Variants in PRDM15 observed in about 807,000 individuals in gnomAD.
The protein encoded by PRDM15 is PR domain zinc finger protein 15.
In PRDM15, 64 loss-of-function variants were observed where a neutral mutation model predicts 128.6. The observed-to-expected ratio is 0.50, with a 90% CI of 0.41 to 0.61. The LOEUF is 0.61. Ranked by LOEUF, PRDM15 falls within the 20% of genes least tolerant of loss-of-function variation. The probability of loss-of-function intolerance (pLI) is 0.00; values close to 1 mark genes in which losing one functional copy is unlikely to be tolerated. For synonymous variants in PRDM15, 615 were observed against 621.8 expected (o/e 0.99, Z 0.16); for missense variants, 1,242 against 1,569.1 (o/e 0.79, Z 3.52).
rs1323465431 is a variant in PRDM15, at chr21:41,857,242, T to G, written c.219A>C (p.Thr73=). Residue 73 remains threonine (T), a synonymous_variant, in exon 4 of 24, where the codon ACA becomes ACC. Coordinates refer to ENST00000398548, the MANE Select transcript of PRDM15 (RefSeq NM_001040424.3). ...VFAITQLVKR[T]QFGPFESRRV... ...TCCTGGACTCAAAGGGACCGAACTGTGTCCGCTTGACGAGCTGAGTGATGG... is the reference window on the plus strand; with the variant it reads ...TCCTGGACTCAAAGGGACCGAACTGGGTCCGCTTGACGAGCTGAGTGATGG... The G allele has an allele frequency of 6.2e-7, 1 of 1,613,892 alleles. No individual in the cohort carries two copies. Among genetic ancestry groups the G allele is most frequent in the African/African-American group, 1.3e-5 (1 of 75,028 alleles).
chr21:41,865,037 G>C (rs2063954399), intron 1 of PRDM15, among the ~76,000 whole-genome samples: 1 of 142,192 alleles, frequency 7.0e-6, no homozygotes, highest in Non-Finnish European at 1.5e-5. Flanking sequence ...CCACTCCCCT[G>C]CTCAGTCCTC....
Position 41,835,536 on chromosome 21 carries a change from G to A in PRDM15, c.1279-12C>T, listed in dbSNP as rs1226633638. 13 of 1,603,560 alleles carry A rather than the reference G, an allele frequency of 8.1e-6. No individual in the cohort carries two copies. Among genetic ancestry groups the A allele is most frequent in the South Asian group, 6.6e-5 (6 of 91,036 alleles). On this transcript the variant is annotated splice_polypyrimidine_tract_variant and intron_variant, in intron 10 of 23. Coordinates refer to ENST00000398548, the MANE Select transcript of PRDM15 (RefSeq NM_001040424.3). ...TACTCGCCGTCCACCTGGTCAGAGG[G>A]ACACGCCGTGAGTGAGATGGCCCAG...
chr21:41,860,047 T>C (rs1252816070), intron 2 of PRDM15, among the ~76,000 whole-genome samples: 1 of 152,172 alleles, frequency 6.6e-6, no homozygotes, highest in Non-Finnish European at 1.5e-5. Flanking sequence ...GGTTCATCCC[T>C]CCTGCCTAGC....
chr21:41,841,751 T>C (rs1338862506), intron 6 of PRDM15, among the ~76,000 whole-genome samples: 1 of 152,216 alleles, frequency 6.6e-6, no homozygotes, highest in East Asian at 1.9e-4. Flanking sequence ...TTAAATCAAT[T>C]GTGTTAACTG....
intron 14 of PRDM15, 186 bp downstream of exon 14, chr21:41,823,132 G>A (rs2062341763): frequency 4.0e-6 from 3 of 746,028 alleles, no homozygotes; most frequent in Non-Finnish European, 4.5e-6. Flanking sequence ...CTACGAACCA[G>A]GAAGTGAGCC....
Position 41,832,823 on chromosome 21 carries a change from C to T in PRDM15, c.1366+2614G>A, listed in dbSNP as rs2062741618. Among the ~76,000 whole-genome samples the T allele has an allele frequency of 6.6e-6, 1 of 152,184 alleles. No homozygotes were observed. Among genetic ancestry groups the T allele is most frequent in the African/African-American group, 2.4e-5 (1 of 41,446 alleles). ...GCTGCCAAGAGCTTCAGCTTTCTCC[C>T]TCACAAGCCCCTCGTGACCATGGAA... On this transcript the variant is annotated intron_variant, in intron 11 of 23. Coordinates refer to ENST00000398548, the MANE Select transcript of PRDM15 (RefSeq NM_001040424.3). This position sits in a 1 kb window ranked among gnomAD's most constrained non-coding sequence, Gnocchi z 4.2.
rs2146419461 is a variant in PRDM15, at chr21:41,823,504, G to A, written c.1630-55C>T. On this transcript the variant is annotated intron_variant, in intron 13 of 23. Transcript: ENST00000398548. Reference sequence around the variant, plus strand: ...CTGCGGCGTCTCGTGACGGGAAGGAGCCTCTCCATCAGGCTCCTCTGGGGA... The same window carrying A: ...CTGCGGCGTCTCGTGACGGGAAGGAACCTCTCCATCAGGCTCCTCTGGGGA... 3 of 1,525,212 alleles carry A rather than the reference G, an allele frequency of 2.0e-6. No homozygotes were observed. The East Asian group carries it at 7.4e-5, about 38-fold the overall frequency. 94.5% of individuals were successfully genotyped at this position (1,525,212 alleles called of 1,614,324 possible).
Position 41,862,138 on chromosome 21 carries a change from T to C in PRDM15, c.-9-1766A>G. On this transcript the variant is annotated intron_variant, in intron 1 of 23. Transcript: ENST00000398548. The surrounding 1 kb of genome is among the most constrained non-coding windows in gnomAD (Gnocchi z 4.1). Reference sequence around the variant, plus strand: ...GGGGTGGGGAGGGCGCACGCTTTCATGAGTTGCTGCTGTGCTACTGGAGGT... The same window carrying C: ...GGGGTGGGGAGGGCGCACGCTTTCACGAGTTGCTGCTGTGCTACTGGAGGT... 2 of 687,076 alleles carry C rather than the reference T, an allele frequency of 2.9e-6. No individual in the cohort carries two copies. Among genetic ancestry groups the C allele is most frequent in the Non-Finnish European group, 5.2e-6 (2 of 384,706 alleles). The allele number at this position is 687,076 out of a possible 1,614,324, so 42.6% of individuals were successfully genotyped here.
chr21:41,876,417 C>G (rs1359479833), intron 1 of PRDM15, among the ~76,000 whole-genome samples: 1 of 152,204 alleles, frequency 6.6e-6, no homozygotes, highest in East Asian at 1.9e-4. Flanking sequence ...CCCAATGCCA[C>G]ATCCTCTTGA....
chr21:41,846,810 C>T (rs1222114387), intron 6 of PRDM15, among the ~76,000 whole-genome samples: 2 of 152,214 alleles, frequency 1.3e-5, no homozygotes, highest in African/African-American at 4.8e-5. Flanking sequence ...GGCCCCTGGC[C>T]CCTGCCAGTG....
intron 1 of PRDM15, among the ~76,000 whole-genome samples, chr21:41,873,014 G>A (rs896248265): frequency 1.3e-5 from 2 of 152,160 alleles, no homozygotes; most frequent in Non-Finnish European, 1.5e-5. Flanking sequence ...CGCACCCTGC[G>A]ATTGCGTCTC....
Position 41,820,162 on chromosome 21 carries a change from G to T in PRDM15, c.2073C>A (p.Pro691=). 6.2e-7 allele frequency: 1 copy of T among 1,613,720 alleles called. No individual in the cohort carries two copies. Among genetic ancestry groups the T allele is most frequent in the Non-Finnish European group, 8.5e-7 (1 of 1,179,840 alleles). The change falls in exon 17 of 24, where the codon CCC becomes CCA. Residue 691 remains proline, a synonymous_variant. Coordinates refer to ENST00000398548, the MANE Select transcript of PRDM15 (RefSeq NM_001040424.3). ...TGAAGATCCGCCCGCAGATCTCGCA[G>T]GGGTGGATGTACCTGAAACCAGAGA... ...PDPNVQKYIH[P]CEICGRIFNS... is the part of the protein sequence containing the mutation.
intron 11 of PRDM15, chr21:41,834,383 G>T: frequency 1.2e-6 from 1 of 852,700 alleles, no homozygotes; most frequent in Non-Finnish European, 1.9e-6. Flanking sequence ...CTGGGAGTCC[G>T]CTGCTGCAGG....
chr21:41,853,819 G>T (rs1367652738), intron 5 of PRDM15, among the ~76,000 whole-genome samples: 5 of 152,200 alleles, frequency 3.3e-5, no homozygotes, highest in African/African-American at 9.7e-5. Context: ...CCCAAATCTG[G>T]GAGGAGGCCA....
rs2061409876 is a variant in PRDM15, at chr21:41,801,331, A to C, written c.3335T>G (p.Leu1112Trp). The change falls in exon 24 of 24, where the codon TTG (leucine) becomes TGG (tryptophan). Residue 1112 changes from leucine (L) to tryptophan (W), a missense_variant. Physicochemically the swap from Leu to Trp is moderately conservative, Grantham distance 61. Coordinates refer to ENST00000398548, the MANE Select transcript of PRDM15 (RefSeq NM_001040424.3). The stretch of plus-strand genomic sequence containing the variant: ...GGGTGCCTGCGGCTGCGAGGGTGGC[A>C]AGACGTCAGTCTGGGGCACTGCCCG... Reference protein sequence around the residue: ...TWRAVPQTDVLPPSQPQAPPQ... With the variant: ...TWRAVPQTDVWPPSQPQAPPQ... 1 of 1,588,010 alleles carries C rather than the reference A, an allele frequency of 6.3e-7. No individual in the cohort carries two copies. Among genetic ancestry groups the C allele is most frequent in the Non-Finnish European group, 8.6e-7 (1 of 1,164,158 alleles).
intron 7 of PRDM15, 65 bp downstream of exon 7, chr21:41,839,558 C>G (rs962891176): frequency 1.4e-6 from 2 of 1,451,140 alleles, no homozygotes; most frequent in Non-Finnish European, 1.9e-6. Flanking sequence ...CCTGCCCCGC[C>G]AGCCCTCGGG....
At chr21:41,853,373 T>G (rs2063486029) in intron 5 of PRDM15, among the ~76,000 whole-genome samples, 1 of 152,224 alleles carries the variant, frequency 6.6e-6, no homozygotes, top group Admixed American at 6.5e-5. Context: ...AATGCTCGTA[T>G]GAGAATCAGG....
chr21:41,851,788 A>G (rs1384942492), intron 5 of PRDM15, among the ~76,000 whole-genome samples: 1 of 152,170 alleles, frequency 6.6e-6, no homozygotes, highest in Non-Finnish European at 1.5e-5. Context: ...TGGAATCGCC[A>G]TGTTCACTAC....
intron 21 of PRDM15, among the ~76,000 whole-genome samples, chr21:41,806,150 C>T (rs1272659170): frequency 8.0e-4 from 8 of 10,000 alleles, no homozygotes; most frequent in Non-Finnish European, 1.6e-3. Context: ...ACCACCACCA[C>T]CACCATCACC....
Sources: gnomAD v4.1 joint callset for allele counts (sites outside exome capture counted in the v4.1 genomes callset) on GRCh38, gnomAD v4.1.1 for gene constraint, Gnocchi (gnomAD v3.1) non-coding constraint, MANE v1.5 for transcripts, NCBI Gene and HGNC (gene_info 2026-07-23, HGNC 2026-07-21) for gene names.